Variants in FNBP1 observed in about 807,000 individuals in gnomAD.
FNBP1 encodes formin binding protein 1, also known as formin-binding protein 1.
Under a neutral mutation model 90.6 loss-of-function variants are expected in FNBP1, and 26 were observed. That is an observed-to-expected ratio of 0.29 (90% CI 0.21 to 0.40). The LOEUF is 0.40. FNBP1 is among the 10% of genes least tolerant of loss of function. FNBP1 has a pLI of 1.00. For synonymous variants in FNBP1, 260 were observed against 265.2 expected, an observed-to-expected ratio of 0.98 and a Z score of 0.19; for missense variants, 635 against 768.0, an observed-to-expected ratio of 0.83 and a Z score of 2.05.
chr9:129,949,623 A>T (rs1208343913), intron 6 of FNBP1, among the ~76,000 whole-genome samples: 1 of 152,074 alleles, frequency 6.6e-6, no homozygotes, highest in East Asian at 1.9e-4. Context: ...GACTTAGGGA[A>T]GCAGAGGTGT....
intron 1 of FNBP1, among the ~76,000 whole-genome samples, chr9:130,008,941 A>G (rs2056179402): frequency 6.6e-6 from 1 of 152,222 alleles, no homozygotes; most frequent in Non-Finnish European, 1.5e-5. Context: ...ATCTCACTCT[A>G]AATACCAGGG....
rs577132523 is a variant in FNBP1 at position 129,961,813 on chromosome 9, C to T, written c.346-3260G>A. Among the ~76,000 whole-genome samples, 21 of 152,184 alleles carry T rather than the reference C, an allele frequency of 1.4e-4. No individual in the cohort carries two copies. The South Asian group carries it at 2.3e-3, about 17-fold the overall frequency. On this transcript the variant is annotated intron_variant, in intron 4 of 16. Transcript: ENST00000446176. ...GTTGGCCAGGCTGGTCTCGAACTCC[C>T]GGCCTCAAGTGATCCGCTTGCCTCG... is the stretch of plus-strand genomic sequence containing the variant.
intron 6 of FNBP1, among the ~76,000 whole-genome samples, chr9:129,951,290 C>T (rs2046127834): frequency 6.6e-6 from 1 of 151,928 alleles, no homozygotes; most frequent in African/African-American, 2.4e-5. Context: ...AACTGGGTTT[C>T]TGTATGTTGC....
intron 10 of FNBP1, among the ~76,000 whole-genome samples, chr9:129,916,931 T>C (rs985001570): frequency 7.2e-5 from 11 of 151,920 alleles, no homozygotes; most frequent in African/African-American, 2.7e-4. Flanking sequence ...TGCCACCCCT[T>C]GCTCCGTGGA....
At chr9:129,978,244 C>T (rs1010910497) in intron 4 of FNBP1, 28 of 427,208 alleles carry the variant, frequency 6.6e-5, no homozygotes, top group Middle Eastern at 6.4e-4. Flanking sequence ...TGGTCTCAAA[C>T]TCCTCACTTT....
intron 4 of FNBP1, among the ~76,000 whole-genome samples, chr9:129,960,098 T>G (rs1588889481): frequency 6.6e-6 from 1 of 151,816 alleles, no homozygotes; most frequent in Non-Finnish European, 1.5e-5. Context: ...TGTTTCTAGG[T>G]TTGGGCTATT....
At position 129,903,110 on chromosome 9, in the gene FNBP1, G is replaced by A. The variant is rs1488961316; in HGVS notation, c.1296-109C>T. 23 of 1,078,318 alleles carry A rather than the reference G, an allele frequency of 2.1e-5. No individual in the cohort carries two copies. In the East Asian group the frequency reaches 6.0e-4, roughly 28 times the overall value. The allele number at this position is 1,078,318 out of a possible 1,614,324, so 66.8% of individuals were successfully genotyped here. On this transcript the variant is annotated intron_variant, in intron 12 of 16. Coordinates refer to ENST00000446176, the MANE Select transcript of FNBP1 (RefSeq NM_015033.3). ...TGCAATGGTGCGATCTCGGCTCACTGCAACGATCTTGGCTCACTGCAACCT... is the reference window on the plus strand; with the variant it reads ...TGCAATGGTGCGATCTCGGCTCACTACAACGATCTTGGCTCACTGCAACCT...
Position 130,042,911 on chromosome 9 carries a change from G to C in FNBP1, c.24+41C>G, listed in dbSNP as rs980835449. 2 of 1,211,482 alleles carry C rather than the reference G, an allele frequency of 1.7e-6. No individual in the cohort carries two copies. Among genetic ancestry groups the C allele is most frequent in the Non-Finnish European group, 2.1e-6 (2 of 968,848 alleles). 75.0% of individuals were successfully genotyped at this position (1,211,482 alleles called of 1,614,324 possible). A position where few individuals can be genotyped will look rare whatever the true frequency, so the allele number is the denominator to read the frequency against. On this transcript the variant is annotated intron_variant, in intron 1 of 16. Coordinates refer to ENST00000446176, the MANE Select transcript of FNBP1 (RefSeq NM_015033.3). This position sits in a 1 kb window ranked among gnomAD's most constrained non-coding sequence, Gnocchi z 5.5. Reference sequence around the variant, plus strand: ...TCCCCAGGCCGCGGGGAAACGCAGCGCGCGCCCCGCATCTGCCCGCGGGCC... The same window carrying C: ...TCCCCAGGCCGCGGGGAAACGCAGCCCGCGCCCCGCATCTGCCCGCGGGCC...
the FNBP1 span, among the ~76,000 whole-genome samples, chr9:130,049,576 G>A: frequency 1.2e-3 from 179 of 151,902 alleles, no homozygotes; most frequent in Middle Eastern, 3.4e-3. Context: ...AGCCCGGCAC[G>A]GTTGTGCTTA....
At position 129,931,183 on chromosome 9, in the gene FNBP1, T is replaced by G. The variant is rs527452926; in HGVS notation, c.514-1488A>C. Among the ~76,000 whole-genome samples the G allele has an allele frequency of 2.6e-5, 4 of 152,158 alleles. No homozygotes were observed. In the East Asian group the frequency reaches 7.7e-4, roughly 29 times the overall value. On this transcript the variant is annotated intron_variant, in intron 6 of 16. Transcript: ENST00000446176. Reference sequence around the variant, plus strand: ...TGGTGGTATGTGCCTATAGTTCCAGTTACTCAGGAGGCTGAGGCAGGAGGA... The same window carrying G: ...TGGTGGTATGTGCCTATAGTTCCAGGTACTCAGGAGGCTGAGGCAGGAGGA...
chr9:129,958,985 C>CAAAAAAAAA (rs60640596), intron 4 of FNBP1, among the ~76,000 whole-genome samples: 193 of 9,158 alleles, frequency 0.021, 55 homozygotes, highest in Admixed American at 0.03. Flanking sequence ...AACTCTGCCT[C>CAAAAAAAAA]AAAAAAAAAA....
At chr9:129,979,614 G>C (rs2050869318) in intron 2 of FNBP1, among the ~76,000 whole-genome samples, 1 of 152,172 alleles carries the variant, frequency 6.6e-6, no homozygotes, top group African/African-American at 2.4e-5. Context: ...TTTAATTGGA[G>C]AGGACAGACC....
intron 10 of FNBP1, among the ~76,000 whole-genome samples, 160 bp downstream of exon 10, chr9:129,923,684 C>T (rs2041453484): frequency 6.7e-6 from 1 of 150,168 alleles, no homozygotes; most frequent in South Asian, 2.1e-4. Context: ...CTCTTTCTGG[C>T]TTTTCTTTCT....
chr9:129,947,217 G>A (rs189288596), intron 6 of FNBP1, among the ~76,000 whole-genome samples: 321 of 152,220 alleles, frequency 2.1e-3, no homozygotes, highest in African/African-American at 7.5e-3. Flanking sequence ...AAGGTGGGTG[G>A]ATCACCTGAG....
Position 129,966,005 on chromosome 9 carries a change from C to A in FNBP1, c.346-7452G>T, listed in dbSNP as rs2048574568. 6.6e-6 allele frequency among the ~76,000 whole-genome samples: 1 copy of A among 152,138 alleles called. No individual in the cohort carries two copies. The highest frequency in any genetic ancestry group is 1.5e-5 in the Non-Finnish European group (1 of 68,036). Reference sequence around the variant, plus strand: ...TTAGATAGAGTGCCAGGGTGATCATCCCATGCTCACTGACATGCCCACTTG... The same window carrying A: ...TTAGATAGAGTGCCAGGGTGATCATACCATGCTCACTGACATGCCCACTTG... On this transcript the variant is annotated intron_variant, in intron 4 of 16. Coordinates refer to ENST00000446176, the MANE Select transcript of FNBP1 (RefSeq NM_015033.3). The surrounding 1 kb of genome is among the most constrained non-coding windows in gnomAD (Gnocchi z 4.3).
chr9:130,007,239 CAAAAAA>C (rs72063140), intron 1 of FNBP1, among the ~76,000 whole-genome samples: 1 of 77,020 alleles, frequency 1.3e-5, no homozygotes, highest in Non-Finnish European at 2.3e-5. Flanking sequence ...GAGATCCTGT[CAAAAAA>C]AAAAAAAAAA....
chr9:129,918,889 C>CA (rs2040668244), intron 10 of FNBP1: 1 of 162,996 alleles, frequency 6.1e-6, no homozygotes, highest in South Asian at 1.3e-4. Context: ...AAAAAAAAAA[C>CA]AAAAAAACAA....
chr9:130,038,995 G>GAAAA (rs535228642), intron 1 of FNBP1, among the ~76,000 whole-genome samples: 6 of 147,696 alleles, frequency 4.1e-5, no homozygotes, highest in Admixed American at 6.7e-5. Context: ...AAGTAGGCAA[G>GAAAA]AAAAAAAAAA....
chr9:130,052,405 G>A, the FNBP1 span, among the ~76,000 whole-genome samples: 3 of 151,902 alleles, frequency 2.0e-5, no homozygotes, highest in Admixed American at 2.0e-4. Flanking sequence ...CATCACTATT[G>A]TATTATAAAA....
Sources: gnomAD v4.1 joint callset for allele counts (sites outside exome capture counted in the v4.1 genomes callset) on GRCh38, gnomAD v4.1.1 for gene constraint, Gnocchi (gnomAD v3.1) non-coding constraint, MANE v1.5 for transcripts, NCBI Gene and HGNC (gene_info 2026-07-23, HGNC 2026-07-21) for gene names.